Variants in LPP observed in about 807,000 individuals in gnomAD.
LPP encodes LIM domain containing preferred translocation partner in lipoma, also known as lipoma-preferred partner.
In LPP, 38 loss-of-function variants were observed where a neutral mutation model predicts 60.4. That is an observed-to-expected ratio of 0.63 (90% CI 0.49 to 0.83). LPP has a LOEUF of 0.83. Ranked by LOEUF, LPP falls within the 40% of genes least tolerant of loss-of-function variation. The probability of loss-of-function intolerance (pLI) is 0.00; values close to 1 mark genes in which losing one functional copy is unlikely to be tolerated. For synonymous variants in LPP, 328 were observed against 290.8 expected (o/e 1.13, Z -1.30); for missense variants, 902 against 783.6 (o/e 1.15, Z -1.80).
rs1560587330 is a variant in LPP at position 188,577,744 on chromosome 3, T to TTC, written c.430-31417_430-31416insTC. On this transcript the variant is annotated intron_variant, in intron 6 of 11. Transcript: ENST00000617246. Reference sequence around the variant, plus strand: ...CTCTCTTTGGTTTCCTTCCTTCCTTTGTTCCTTCGTTCCTTCGTTCCTTCC... The same window carrying TTC: ...CTCTCTTTGGTTTCCTTCCTTCCTTTTCGTTCCTTCGTTCCTTCGTTCCTTCC... 3.0e-3 allele frequency among the ~76,000 whole-genome samples: 125 copies of TTC among 41,490 alleles called. 1 individual carries two copies. The highest frequency in any genetic ancestry group is 5.3e-3 in the Non-Finnish European group (72 of 13,700). 27.2% of individuals were successfully genotyped at this position (41,490 alleles called of 152,430 possible).
intron 5 of LPP, among the ~76,000 whole-genome samples, chr3:188,514,196 T>G (rs1816653144): frequency 6.6e-6 from 1 of 152,112 alleles, no homozygotes; most frequent in Non-Finnish European, 1.5e-5. Flanking sequence ...GGCAGATCTG[T>G]GGCTGAACTC....
At chr3:188,500,728 A>C (rs1210102665) in intron 5 of LPP, among the ~76,000 whole-genome samples, 1 of 152,154 alleles carries the variant, frequency 6.6e-6, no homozygotes, top group Non-Finnish European at 1.5e-5. Context: ...CAATCTTCTT[A>C]GTATTCATAG....
rs530280720 is a variant in LPP at position 188,243,968 on chromosome 3, C to T, written c.-67+18441C>T. On this transcript the variant is annotated intron_variant, in intron 2 of 11. Transcript: ENST00000617246. ...TCTGCTCACCACAACCTCCACTTCC[C>T]GGGTTCAAGCGATTCTCCTGCCTCA... Among the ~76,000 whole-genome samples, 25 of 152,262 alleles carry T rather than the reference C, an allele frequency of 1.6e-4. No individual in the cohort carries two copies. In the East Asian group the frequency reaches 3.3e-3, roughly 20 times the overall value.
chr3:188,714,534 C>G (rs548748724), intron 8 of LPP, among the ~76,000 whole-genome samples: 28 of 151,898 alleles, frequency 1.8e-4, no homozygotes, highest in Admixed American at 5.2e-4. Context: ...TTTTTCAAGT[C>G]AGGTTTTTTT....
At chr3:188,336,769 G>T (rs1032043061) in intron 2 of LPP, among the ~76,000 whole-genome samples, 1 of 152,120 alleles carries the variant, frequency 6.6e-6, no homozygotes, top group Non-Finnish European at 1.5e-5. Context: ...CTTTAGGCTG[G>T]AGTGTCTCAG....
At chr3:188,807,964 G>A (rs753646500) in intron 9 of LPP, among the ~76,000 whole-genome samples, 7 of 152,108 alleles carry the variant, frequency 4.6e-5, no homozygotes, top group Non-Finnish European at 8.8e-5. Flanking sequence ...AATAAAGATA[G>A]GCTAATATAT....
chr3:188,706,642 G>A (rs1392613422), intron 7 of LPP, among the ~76,000 whole-genome samples: 1 of 152,178 alleles, frequency 6.6e-6, no homozygotes, highest in Non-Finnish European at 1.5e-5. Flanking sequence ...GTAAATGTTG[G>A]GAATGATAGC....
intron 6 of LPP, among the ~76,000 whole-genome samples, chr3:188,580,302 T>G (rs953170968): frequency 1.3e-5 from 2 of 152,144 alleles, no homozygotes; most frequent in African/African-American, 4.8e-5. Context: ...CAGATAAAAT[T>G]TATAAAAGAT....
At chr3:188,160,840 T>A (rs1718044764) in intron 1 of LPP, among the ~76,000 whole-genome samples, 2 of 152,206 alleles carry the variant, frequency 1.3e-5, no homozygotes, top group African/African-American at 4.8e-5. Flanking sequence ...GCTAAGGCTC[T>A]AATAAAGTAA....
At chr3:188,188,939 A>G (rs1005251788) in intron 1 of LPP, among the ~76,000 whole-genome samples, 2 of 148,408 alleles carry the variant, frequency 1.3e-5, no homozygotes, top group Non-Finnish European at 3.0e-5. Context: ...AAGAATATGT[A>G]CCTGTTGCCC....
intron 3 of LPP, among the ~76,000 whole-genome samples, chr3:188,382,672 T>C (rs1160008045): frequency 6.6e-6 from 1 of 152,208 alleles, no homozygotes; most frequent in Non-Finnish European, 1.5e-5. Context: ...CCTAAGACAG[T>C]GCTATGTATA....
In LPP at chr3:188,627,256, G is replaced by C. The variant is rs745341344; in HGVS notation, c.1113+17412G>C. ...TACTATCAAGTCTACATAAGAACCA[G>C]GTAACAACATGATGGCAAGATCAAA... On this transcript the variant is annotated intron_variant, in intron 7 of 11. Coordinates refer to ENST00000617246, the MANE Select transcript of LPP (RefSeq NM_001375462.1). Among the ~76,000 whole-genome samples, 6 of 152,086 alleles carry C rather than the reference G, an allele frequency of 3.9e-5. No individual in the cohort carries two copies. The South Asian group carries it at 1.2e-3, about 32-fold the overall frequency.
chr3:188,648,253 T>TA (rs1349151011), intron 7 of LPP, among the ~76,000 whole-genome samples: 1 of 152,114 alleles, frequency 6.6e-6, no homozygotes, highest in African/African-American at 2.4e-5. Flanking sequence ...CTTTATGGGC[T>TA]ACATAGGGAT....
chr3:188,171,335 T>C (rs562809997), intron 1 of LPP, among the ~76,000 whole-genome samples: 1 of 152,354 alleles, frequency 6.6e-6, no homozygotes, highest in East Asian at 1.9e-4. Flanking sequence ...TCCTGACTGC[T>C]TCTGGATTCA....
intron 9 of LPP, among the ~76,000 whole-genome samples, chr3:188,775,287 G>A (rs1287766391): frequency 6.6e-6 from 1 of 152,046 alleles, no homozygotes; most frequent in South Asian, 2.1e-4. Context: ...TCCTGACCTC[G>A]TGATCCACCT....
At chr3:188,706,815 T>C (rs1330588404) in intron 7 of LPP, among the ~76,000 whole-genome samples, 4 of 152,182 alleles carry the variant, frequency 2.6e-5, no homozygotes, top group Admixed American at 2.6e-4. Context: ...TAACAATGCA[T>C]AAATATCAAG....
intron 7 of LPP, among the ~76,000 whole-genome samples, chr3:188,613,903 T>TTAATTTTA (rs1844348380): frequency 7.0e-6 from 1 of 142,584 alleles, no homozygotes; most frequent in East Asian, 2.0e-4. Flanking sequence ...TTTAAATTAA[T>TTAATTTTA]TTTATTTATT....
At chr3:188,658,183 G>T (rs1437978306) in intron 7 of LPP, among the ~76,000 whole-genome samples, 1 of 21,174 alleles carries the variant, frequency 4.7e-5, no homozygotes, top group Non-Finnish European at 1.1e-4. Flanking sequence ...TTGCTCTGTT[G>T]CCCAGGCTGG....
At chr3:188,253,525 T>C (rs781738741) in intron 2 of LPP, among the ~76,000 whole-genome samples, 1 of 152,202 alleles carries the variant, frequency 6.6e-6, no homozygotes, top group African/African-American at 2.4e-5. Flanking sequence ...GATTTGAGAT[T>C]GGTGGTTACT....
Sources: gnomAD v4.1 joint callset for allele counts (sites outside exome capture counted in the v4.1 genomes callset) on GRCh38, gnomAD v4.1.1 for gene constraint, MANE v1.5 for transcripts, NCBI Gene and HGNC (gene_info 2026-07-23, HGNC 2026-07-21) for gene names.